Variants in PYY observed in about 807,000 individuals in gnomAD.
PYY encodes the protein peptide tyrosine tyrosine.
Under a neutral mutation model 10.3 loss-of-function variants are expected in PYY, and 12 were observed. The ratio of observed to expected loss-of-function variants is 1.17; its 90% CI spans 0.75 to 1.89. The LOEUF is 1.89. Among genes scored for constraint, PYY ranks in the 40% most tolerant of loss-of-function variants. The pLI is 0.00. For missense variants in PYY, 141 were observed against 134.0 expected (o/e 1.05, Z -0.26); for synonymous variants, 66 against 62.0 (o/e 1.06, Z -0.30).
intron 1 of PYY, among the ~76,000 whole-genome samples, chr17:43,990,835 C>T (rs1406020535): frequency 6.9e-6 from 1 of 145,632 alleles, no homozygotes; most frequent in Non-Finnish European, 1.5e-5. Flanking sequence ...TGCTCTGTCA[C>T]CCAGGCTGGA....
At chr17:43,975,473 C>G (rs1197165931) in intron 1 of PYY, among the ~76,000 whole-genome samples, 4 of 151,752 alleles carry the variant, frequency 2.6e-5, no homozygotes, top group Admixed American at 1.3e-4. Flanking sequence ...TTTGAGAGGC[C>G]AAGTTGGGCG....
At chr17:43,966,570 G>C (rs1433231367) in intron 1 of PYY, 1 of 152,212 alleles carries the variant, frequency 6.6e-6, no homozygotes, top group African/African-American at 2.4e-5. Context: ...CGCAGTTTAG[G>C]CAGTGCATTC....
At chr17:43,962,657 G>A (rs968727009) in intron 2 of PYY, among the ~76,000 whole-genome samples, 1 of 152,178 alleles carries the variant, frequency 6.6e-6, no homozygotes, top group African/African-American at 2.4e-5. Flanking sequence ...CCCCAGGGGC[G>A]GGTTTAACCA....
upstream of PYY, among the ~76,000 whole-genome samples, chr17:43,957,389 G>C (rs1381798507): frequency 6.6e-6 from 1 of 151,952 alleles, no homozygotes; most frequent in Non-Finnish European, 1.5e-5. Flanking sequence ...TGGGTGCGGT[G>C]GCTCACGCCT....
chr17:43,967,304 A>G (rs1321461067), intron 1 of PYY, among the ~76,000 whole-genome samples: 1 of 152,184 alleles, frequency 6.6e-6, no homozygotes, highest in Non-Finnish European at 1.5e-5. Context: ...CTCTGTCTAA[A>G]AAAAGAAGAA....
intron 1 of PYY, among the ~76,000 whole-genome samples, chr17:43,985,086 CA>C (rs1242620130): frequency 2.0e-5 from 3 of 152,090 alleles, no homozygotes; most frequent in African/African-American, 7.2e-5. Context: ...AGGCAACTCT[CA>C]AAATTAAGAA....
intron 1 of PYY, among the ~76,000 whole-genome samples, chr17:43,984,718 C>T (rs957295281): frequency 2.0e-5 from 3 of 152,228 alleles, no homozygotes; most frequent in African/African-American, 7.2e-5. Context: ...AAGGCCCATA[C>T]CAGGCAGTCC....
intron 1 of PYY, among the ~76,000 whole-genome samples, chr17:43,971,427 G>A (rs1291303877): frequency 4.6e-5 from 7 of 152,058 alleles, no homozygotes; most frequent in African/African-American, 9.6e-5. Context: ...AAAATTGGCC[G>A]GGCATGGTGA....
At chr17:43,989,357 G>A (rs2048937721) in intron 1 of PYY, among the ~76,000 whole-genome samples, 1 of 151,926 alleles carries the variant, frequency 6.6e-6, no homozygotes, top group South Asian at 2.1e-4. Flanking sequence ...CTGGGTGACA[G>A]AGCAAGACTC....
At chr17:43,960,782 G>A (rs1005582146) in intron 2 of PYY, among the ~76,000 whole-genome samples, 3 of 151,594 alleles carry the variant, frequency 2.0e-5, no homozygotes, top group Admixed American at 6.6e-5. Flanking sequence ...CCCAGGAGGC[G>A]GGGATTGCAG....
exon 1 of PYY, chr17:44,004,422 T>G: frequency 5.2e-6 from 2 of 384,588 alleles, no homozygotes; most frequent in Admixed American, 4.6e-5. Flanking sequence ...ACCCGCCACA[T>G]TTAGTCTCGG....
chr17:43,983,781 G>A (rs1453224750), intron 1 of PYY, among the ~76,000 whole-genome samples: 1 of 152,176 alleles, frequency 6.6e-6, no homozygotes, highest in Non-Finnish European at 1.5e-5. Flanking sequence ...ACAGTCCCAT[G>A]CCCCGACCCC....
At chr17:43,968,887 C>T (rs1316457092) in intron 1 of PYY, among the ~76,000 whole-genome samples, 2 of 151,886 alleles carry the variant, frequency 1.3e-5, no homozygotes, top group Non-Finnish European at 2.9e-5. Flanking sequence ...GCGGGTGGAT[C>T]GCCTGAGGTC....
At chr17:43,960,864 C>T (rs1156632464) in intron 2 of PYY, among the ~76,000 whole-genome samples, 6 of 121,980 alleles carry the variant, frequency 4.9e-5, no homozygotes, top group Non-Finnish European at 9.1e-5. Context: ...AAAAAAAAAA[C>T]GGTGTTCATT....
chr17:43,959,101 G>T (rs1307395822), intron 2 of PYY, among the ~76,000 whole-genome samples: 1 of 152,230 alleles, frequency 6.6e-6, no homozygotes, highest in Non-Finnish European at 1.5e-5. Flanking sequence ...GATTGTGGGT[G>T]TGATTTATGC....
At chr17:43,956,280 T>C (rs1449680851), upstream of PYY, among the ~76,000 whole-genome samples, 1 of 152,038 alleles carries the variant, frequency 6.6e-6, no homozygotes, top group Non-Finnish European at 1.5e-5. Flanking sequence ...CTATCCCTCA[T>C]ACCCCCACCC....
intron 1 of PYY, among the ~76,000 whole-genome samples, chr17:43,978,312 AGGAAGGAAG>A (rs957488560): frequency 7.5e-4 from 76 of 101,930 alleles, no homozygotes; most frequent in Middle Eastern, 0.011. Context: ...GAAGGAAGGA[AGGAAGGAAG>A]GGAAGGGAAG....
At chr17:43,999,760 C>A (rs1303546752) in intron 1 of PYY, among the ~76,000 whole-genome samples, 18 of 140,200 alleles carry the variant, frequency 1.3e-4, no homozygotes, top group Non-Finnish European at 2.4e-4. Flanking sequence ...AAGAGTGAAA[C>A]TCCGTCTCAA....
At chr17:43,972,047 CT>C (rs2048797164) in intron 1 of PYY, among the ~76,000 whole-genome samples, 1 of 151,822 alleles carries the variant, frequency 6.6e-6, no homozygotes, top group African/African-American at 2.4e-5. Flanking sequence ...TTGAAATTCT[CT>C]TTTTTGTGTA....
Sources: allele counts gnomAD v4.1 joint callset (sites outside exome capture counted in the v4.1 genomes callset), GRCh38; gene constraint gnomAD v4.1.1; transcripts MANE v1.5; gene names NCBI Gene and HGNC (gene_info 2026-07-23, HGNC 2026-07-21).